PCDHGA6: variants seen among roughly 807,000 people sequenced by gnomAD.
The protein encoded by PCDHGA6 is protocadherin gamma subfamily A, 6, also known as protocadherin gamma-A6.
A neutral mutation model predicts 60.6 loss-of-function variants in PCDHGA6; 41 were observed. The ratio of observed to expected loss-of-function variants is 0.68; its 90% CI spans 0.53 to 0.88. The LOEUF is 0.88. Among genes scored for constraint, PCDHGA6 ranks in the 40% least tolerant of loss-of-function variants. The pLI is 0.00. For missense variants in PCDHGA6, 1,312 were observed against 1,203.0 expected (o/e 1.09, Z -1.34); for synonymous variants, 594 against 524.4 (o/e 1.13, Z -1.81).
intron 1 of PCDHGA6, chr5:141,377,279 AAT>A (rs1773851812): frequency 6.6e-6 from 1 of 152,110 alleles, no homozygotes; most frequent in African/African-American, 2.4e-5. Context: ...TGGGAAAAAA[AAT>A]AACCTTAATT....
At chr5:141,470,602 G>A (rs1004044883) in intron 1 of PCDHGA6, among the ~76,000 whole-genome samples, 1 of 152,268 alleles carries the variant, frequency 6.6e-6, no homozygotes, top group South Asian at 2.1e-4. Flanking sequence ...ACCTGTGCGG[G>A]GACACAGGGC....
At chr5:141,469,807 T>C (rs1294838215) in intron 1 of PCDHGA6, among the ~76,000 whole-genome samples, 1 of 152,070 alleles carries the variant, frequency 6.6e-6, no homozygotes, top group African/African-American at 2.4e-5. Context: ...AAAAACATTG[T>C]AGATAGAATG....
intron 1 of PCDHGA6, chr5:141,391,235 G>A (rs939140536): frequency 6.6e-6 from 1 of 151,890 alleles, no homozygotes; most frequent in Admixed American, 6.6e-5. Flanking sequence ...CTTTTGCTAG[G>A]TATATCTAAG....
At chr5:141,389,328 A>T in intron 1 of PCDHGA6, 1 of 1,613,972 alleles carries the variant, frequency 6.2e-7, no homozygotes. Flanking sequence ...CTTGGGGCCC[A>T]ACGGCCAAGT....
At chr5:141,510,349 C>T (rs1461596705) in intron 3 of PCDHGA6, among the ~76,000 whole-genome samples, 1 of 148,468 alleles carries the variant, frequency 6.7e-6, no homozygotes, top group Non-Finnish European at 1.5e-5. Context: ...CACACACTTA[C>T]TAACGGAACT....
chr5:141,395,066 G>GACC, intron 1 of PCDHGA6: 1 of 1,614,136 alleles, frequency 6.2e-7, no homozygotes, highest in Non-Finnish European at 8.5e-7. Flanking sequence ...CTTTCCTGCA[G>GACC]ACCTATTCCC....
intron 1 of PCDHGA6, among the ~76,000 whole-genome samples, chr5:141,472,357 C>T (rs1020143523): frequency 2.4e-4 from 37 of 152,012 alleles, no homozygotes; most frequent in Non-Finnish European, 1.5e-4. Context: ...CTGGCTAACA[C>T]GGTGAAACCC....
At chr5:141,418,891 C>T in intron 1 of PCDHGA6, 2 of 1,613,842 alleles carry the variant, frequency 1.2e-6, no homozygotes, top group South Asian at 2.2e-5. Flanking sequence ...ACGACAACAG[C>T]CCAGAAATAA....
At chr5:141,464,218 T>C (rs1464478430) in intron 1 of PCDHGA6, among the ~76,000 whole-genome samples, 1 of 150,958 alleles carries the variant, frequency 6.6e-6, no homozygotes, top group Non-Finnish European at 1.5e-5. Flanking sequence ...TGAGCTGAGA[T>C]TGCGCCACTG....
At position 141,505,514 on chromosome 5, in the gene PCDHGA6, G is replaced by A. The variant is rs758026551; in HGVS notation, c.2572+33G>A. The A allele has an allele frequency of 1.2e-5, 20 of 1,613,682 alleles. No homozygotes were observed. The South Asian group carries it at 1.8e-4, about 14-fold the overall frequency. ...GTGTCAGTGTGTGTATGGAAGAGTGGGAGACCTGGGGTTCTGGGGTGCATC... is the reference window on the plus strand; with the variant it reads ...GTGTCAGTGTGTGTATGGAAGAGTGAGAGACCTGGGGTTCTGGGGTGCATC... On this transcript the variant is annotated intron_variant, in intron 3 of 3. Transcript: ENST00000517434.
intron 1 of PCDHGA6, chr5:141,415,863 G>T (rs1321470910): frequency 2.7e-5 from 30 of 1,107,154 alleles, no homozygotes; most frequent in Non-Finnish European, 3.6e-5. Context: ...GTAGTTTATA[G>T]TGTTGTTGAG....
intron 1 of PCDHGA6, chr5:141,377,844 A>G (rs911815564): frequency 2.0e-5 from 3 of 152,180 alleles, no homozygotes; most frequent in South Asian, 2.1e-4. Context: ...TTATCTTCCA[A>G]TTAAAATTAA....
At chr5:141,406,436 T>C (rs1207276044) in intron 1 of PCDHGA6, among the ~76,000 whole-genome samples, 3 of 152,234 alleles carry the variant, frequency 2.0e-5, no homozygotes, top group Non-Finnish European at 4.4e-5. Context: ...TTGCTTCTAT[T>C]CTTCCATTTC....
intron 1 of PCDHGA6, chr5:141,441,337 T>A (rs980210130): frequency 6.6e-6 from 1 of 152,112 alleles, no homozygotes; most frequent in African/African-American, 2.4e-5. Flanking sequence ...CTCCAATAAT[T>A]AACTACATGC....
In PCDHGA6 at chr5:141,409,837, C is replaced by G. The variant is rs182654621; in HGVS notation, c.2424+33330C>G. 823 of 1,611,470 alleles carry G rather than the reference C, an allele frequency of 5.1e-4. 5 individuals carry two copies. The East Asian group carries it at 9.5e-3, about 19-fold the overall frequency. On this transcript the variant is annotated intron_variant, in intron 1 of 3. Coordinates refer to ENST00000517434, the MANE Select transcript of PCDHGA6 (RefSeq NM_018919.3). ...ACGGCTCGCCCACGCTCAGCGCCAACGTGAGCCTGCGCGTGTTGGTGGGAG... is the reference window on the plus strand; with the variant it reads ...ACGGCTCGCCCACGCTCAGCGCCAAGGTGAGCCTGCGCGTGTTGGTGGGAG...
At chr5:141,445,269 C>A (rs535300313) in intron 1 of PCDHGA6, among the ~76,000 whole-genome samples, 1 of 152,260 alleles carries the variant, frequency 6.6e-6, no homozygotes, top group Non-Finnish European at 1.5e-5. Flanking sequence ...AAGTCGAAAC[C>A]ACTCTGCATA....
chr5:141,476,747 C>T lies in PCDHGA6; in HGVS notation c.2425-18060C>T. The T allele has an allele frequency of 6.2e-7, 1 of 1,614,066 alleles. No homozygotes were observed. The highest frequency in any genetic ancestry group is 8.5e-7 in the Non-Finnish European group (1 of 1,180,036). On this transcript the variant is annotated intron_variant, in intron 1 of 3. Transcript: ENST00000517434. This position sits in a 1 kb window ranked among gnomAD's most constrained non-coding sequence, Gnocchi z 7.6. The stretch of plus-strand genomic sequence containing the variant: ...GGACCGAGAACGGGAGCCTAGTCTC[C>T]AGTTAGTGCTGACGGCGTTGGACGG...
chr5:141,502,634 T>C (rs1306951640), intron 2 of PCDHGA6, among the ~76,000 whole-genome samples: 1 of 152,228 alleles, frequency 6.6e-6, no homozygotes. Flanking sequence ...CTGTGGATGA[T>C]ACTTTGAGAT....
intron 1 of PCDHGA6, among the ~76,000 whole-genome samples, chr5:141,450,005 TC>T (rs2098662434): frequency 1.0e-5 from 1 of 99,604 alleles, no homozygotes; most frequent in Non-Finnish European, 1.8e-5. Flanking sequence ...TTGCCATGTC[TC>T]TTTTTTTTTT....
Sources: gnomAD v4.1 joint callset for allele counts (sites outside exome capture counted in the v4.1 genomes callset) on GRCh38, gnomAD v4.1.1 for gene constraint, Gnocchi (gnomAD v3.1) non-coding constraint, MANE v1.5 for transcripts, NCBI Gene and HGNC (gene_info 2026-07-23, HGNC 2026-07-21) for gene names.